Variants in IL1RAPL2 observed in about 807,000 individuals in gnomAD.
The protein encoded by IL1RAPL2 is X-linked interleukin-1 receptor accessory protein-like 2.
In IL1RAPL2, 3 loss-of-function variants were observed where a neutral mutation model predicts 44.1. The ratio of observed to expected loss-of-function variants is 0.07; its 90% CI spans 0.03 to 0.18. The LOEUF is 0.18. Among genes scored for constraint, IL1RAPL2 ranks in the 10% least tolerant of loss-of-function variants. The pLI, the probability that IL1RAPL2 is intolerant of heterozygous loss-of-function variation, is 1.00. For synonymous variants in IL1RAPL2, 181 were observed against 178.8 expected (o/e 1.01, Z -0.10); for missense variants, 391 against 496.4 (o/e 0.79, Z 2.02).
intron 6 of IL1RAPL2, among the ~76,000 whole-genome samples, chrX:105,612,319 C>T (rs2037342714): frequency 9.0e-6 from 1 of 110,599 alleles, no homozygotes; most frequent in East Asian, 2.9e-4. Flanking sequence ...GTTGCCTAGG[C>T]TGGTTTTGAA....
At chrX:105,697,944 T>C (rs1371761498) in intron 6 of IL1RAPL2, among the ~76,000 whole-genome samples, 1 of 111,350 alleles carries the variant, frequency 9.0e-6, no homozygotes, top group Non-Finnish European at 1.9e-5. Flanking sequence ...GGCCCTTTTC[T>C]ATGGAATCAC....
chrX:104,791,817 A>C (rs1324048130), intron 2 of IL1RAPL2, among the ~76,000 whole-genome samples: 1 of 111,592 alleles, frequency 9.0e-6, no homozygotes, highest in Non-Finnish European at 1.9e-5. Flanking sequence ...AAGAGACCAT[A>C]GAACTAATGT....
intron 7 of IL1RAPL2, among the ~76,000 whole-genome samples, chrX:105,729,860 CGAAGGAAGGAAGGAAA>C (rs1186113898): frequency 3.8e-5 from 2 of 52,642 alleles, no homozygotes; most frequent in African/African-American, 7.5e-5. Flanking sequence ...AAGCAAGAGA[CGAAGGAAGGAAGGAAA>C]GAAGGAAGGA....
chrX:105,668,446 G>A (rs770427029), intron 6 of IL1RAPL2, among the ~76,000 whole-genome samples: 17 of 112,586 alleles, frequency 1.5e-4, no homozygotes, highest in Non-Finnish European at 2.6e-4. Context: ...TTTTTGATAA[G>A]TAATATCATA....
chrX:104,678,799 G>T (rs1312168629), intron 2 of IL1RAPL2, among the ~76,000 whole-genome samples: 1 of 110,796 alleles, frequency 9.0e-6, no homozygotes, highest in Non-Finnish European at 1.9e-5. Context: ...ACAGGGAGGG[G>T]AACATCACCC....
At chrX:105,645,695 C>G (rs2037600528) in intron 6 of IL1RAPL2, among the ~76,000 whole-genome samples, 1 of 111,982 alleles carries the variant, frequency 8.9e-6, no homozygotes, top group East Asian at 2.8e-4. Context: ...TTTTATTAAA[C>G]AAGTTTTTAA....
chrX:104,734,376 C>T lies in IL1RAPL2; in HGVS notation c.82+75381C>T, dbSNP rs1247968669. ...GTATAGAAGCTTTGTTTCTAATAAC[C>T]CCCAATTGGAAACAACTCAAATTTG... On this transcript the variant is annotated intron_variant, in intron 2 of 10. Coordinates refer to ENST00000372582, the MANE Select transcript of IL1RAPL2 (RefSeq NM_017416.2). Among the ~76,000 whole-genome samples the T allele has an allele frequency of 6.2e-5, 7 of 112,349 alleles. No individual in the cohort carries two copies. In the East Asian group the frequency reaches 1.7e-3, roughly 27 times the overall value.
intron 3 of IL1RAPL2, 124 bp from the exon 4 acceptor site, chrX:105,233,694 A>T (rs2034094379): frequency 1.9e-6 from 1 of 532,524 alleles, no homozygotes; most frequent in East Asian, 3.4e-5. Flanking sequence ...TGTTGCTTTG[A>T]TGTTTTTTTC....
intron 6 of IL1RAPL2, among the ~76,000 whole-genome samples, chrX:105,513,063 C>A (rs2036482979): frequency 9.0e-6 from 1 of 110,948 alleles, no homozygotes; most frequent in South Asian, 3.8e-4. Flanking sequence ...ATCATGATTT[C>A]CAGCTTGATC....
At chrX:105,143,922 T>C (rs2033151736) in intron 2 of IL1RAPL2, among the ~76,000 whole-genome samples, 1 of 109,902 alleles carries the variant, frequency 9.1e-6, no homozygotes, top group African/African-American at 3.3e-5. Context: ...CACACCAACA[T>C]GGCACATGTA....
At chrX:104,811,771 G>C (rs1442061515) in intron 2 of IL1RAPL2, among the ~76,000 whole-genome samples, 2 of 111,197 alleles carry the variant, frequency 1.8e-5, no homozygotes. Context: ...TATTGGGTAA[G>C]GGAAGAATGA....
chrX:104,582,626 T>TTCTTTCTTTCTTTCTC (rs1569487475), intron 1 of IL1RAPL2, among the ~76,000 whole-genome samples: 2 of 63,963 alleles, frequency 3.1e-5, no homozygotes, highest in Non-Finnish European at 6.0e-5. Context: ...CTTTCTTTCT[T>TTCTTTCTTTCTTTCTC]TCTTTCTTTC....
Position 105,263,704 on chromosome X carries a change from T to C in IL1RAPL2, c.544-3684T>C, listed in dbSNP as rs770284023. Among the ~76,000 whole-genome samples the C allele has an allele frequency of 9.9e-5, 11 of 111,103 alleles. No homozygotes were observed. In the East Asian group the frequency reaches 1.7e-3, roughly 17 times the overall value. On this transcript the variant is annotated intron_variant, in intron 4 of 10. Transcript: ENST00000372582. ...GAGAGGAAAAAAGCTGGGCTTTAAG[T>C]GTTGACATTATGTTGACTGGGTAAG... is the stretch of plus-strand genomic sequence containing the variant.
intron 6 of IL1RAPL2, among the ~76,000 whole-genome samples, chrX:105,611,341 G>A (rs2037334824): frequency 1.8e-5 from 2 of 111,538 alleles, no homozygotes; most frequent in East Asian, 5.6e-4. Flanking sequence ...TAAGTATACA[G>A]TGTTCATAAA....
chrX:105,280,478 C>T (rs909667112), intron 5 of IL1RAPL2, among the ~76,000 whole-genome samples: 4 of 111,757 alleles, frequency 3.6e-5, no homozygotes, highest in African/African-American at 1.3e-4. Flanking sequence ...AAGCTATCAT[C>T]AGAGTGAACA....
At chrX:104,645,279 A>G (rs1930011765) in intron 1 of IL1RAPL2, among the ~76,000 whole-genome samples, 1 of 111,436 alleles carries the variant, frequency 9.0e-6, no homozygotes, top group Admixed American at 9.6e-5. Context: ...CTTAACTTCT[A>G]TTAGTATCCT....
chrX:104,972,010 T>G (rs1165292004), intron 2 of IL1RAPL2, among the ~76,000 whole-genome samples: 1 of 111,726 alleles, frequency 9.0e-6, no homozygotes, highest in Non-Finnish European at 1.9e-5. Context: ...ATGAGCCCAG[T>G]TGAGGCACAC....
chrX:105,240,549 G>A (rs1406794536), intron 4 of IL1RAPL2, among the ~76,000 whole-genome samples: 1 of 111,702 alleles, frequency 9.0e-6, no homozygotes, highest in Non-Finnish European at 1.9e-5. Context: ...GTGCTTTTCA[G>A]GGTCCTTTCC....
chrX:104,869,415 C>T (rs1312151366), intron 2 of IL1RAPL2, among the ~76,000 whole-genome samples: 3 of 111,376 alleles, frequency 2.7e-5, no homozygotes, highest in Non-Finnish European at 5.7e-5. Flanking sequence ...TAACTATAGT[C>T]ATCTTCCTGT....
Sources: allele counts gnomAD v4.1 joint callset (sites outside exome capture counted in the v4.1 genomes callset), GRCh38; gene constraint gnomAD v4.1.1; transcripts MANE v1.5; gene names NCBI Gene and HGNC (gene_info 2026-07-23, HGNC 2026-07-21).